The following FAM3C variants were observed in gnomAD, a reference collection of about 807,000 sequenced individuals.
FAM3C encodes the protein protein FAM3C.
Under a neutral mutation model 32.5 loss-of-function variants are expected in FAM3C, and 15 were observed. The ratio of observed to expected loss-of-function variants is 0.46; its 90% confidence interval spans 0.31 to 0.71. The LOEUF (loss-of-function observed/expected upper bound fraction) is 0.71. FAM3C is among the 30% of genes least tolerant of loss of function. FAM3C has a pLI of 0.05. For synonymous variants in FAM3C, 75 were observed against 86.1 expected (o/e 0.87, Z 0.72); for missense variants, 175 against 274.4 (o/e 0.64, Z 2.56).
intron 8 of FAM3C, among the ~76,000 whole-genome samples, chr7:121,357,430 A>G (rs770792934): frequency 8.5e-5 from 13 of 152,200 alleles, no homozygotes; most frequent in Non-Finnish European, 1.8e-4. Context: ...CTATTCATAT[A>G]TAAGAGAGGG....
At position 121,358,326 on chromosome 7, in the gene FAM3C, T is replaced by G. The variant is rs554409161; in HGVS notation, c.467+1717A>C. Among the ~76,000 whole-genome samples the G allele has an allele frequency of 3.9e-5, 6 of 152,206 alleles. No individual in the cohort carries two copies. In the South Asian group the frequency reaches 1.2e-3, roughly 32 times the overall value. On this transcript the variant is annotated intron_variant, in intron 8 of 9. Coordinates refer to ENST00000359943, the MANE Select transcript of FAM3C (RefSeq NM_014888.3). The stretch of plus-strand genomic sequence containing the variant: ...TGTATAAATCTTGTAGTATTAAGGC[T>G]CTGTCAATTAAAATCTATAAAATCT...
intron 3 of FAM3C, among the ~76,000 whole-genome samples, chr7:121,375,299 G>A (rs1178252179): frequency 6.6e-6 from 1 of 152,160 alleles, no homozygotes; most frequent in Non-Finnish European, 1.5e-5. Flanking sequence ...TGAGGAACCA[G>A]GACGAGCAAA....
intron 5 of FAM3C, among the ~76,000 whole-genome samples, chr7:121,366,884 C>T (rs1157017904): frequency 6.6e-6 from 1 of 152,136 alleles, no homozygotes; most frequent in Non-Finnish European, 1.5e-5. Context: ...GAAGTAACTG[C>T]TGTGATTAAC....
At chr7:121,383,391 A>G (rs894249816) in intron 1 of FAM3C, among the ~76,000 whole-genome samples, 8 of 152,122 alleles carry the variant, frequency 5.3e-5, no homozygotes, top group Non-Finnish European at 1.2e-4. Flanking sequence ...CTAGTTGTGG[A>G]ACAAATTATT....
At chr7:121,378,327 T>C (rs1794280306) in intron 3 of FAM3C, among the ~76,000 whole-genome samples, 2 of 151,112 alleles carry the variant, frequency 1.3e-5, no homozygotes, top group Admixed American at 1.3e-4. Context: ...GATTTCTTTC[T>C]TTTTTTTTAA....
intron 5 of FAM3C, among the ~76,000 whole-genome samples, chr7:121,366,451 A>ACCACTTATAT (rs1794025819): frequency 6.6e-6 from 1 of 152,168 alleles, no homozygotes; most frequent in African/African-American, 2.4e-5. Flanking sequence ...AATATTATAT[A>ACCACTTATAT]CCACTTATAT....
chr7:121,357,050 T>C (rs1209075354), intron 8 of FAM3C, among the ~76,000 whole-genome samples: 1 of 152,138 alleles, frequency 6.6e-6, no homozygotes, highest in African/African-American at 2.4e-5. Flanking sequence ...AAATATAAGG[T>C]ACCATCCTCA....
intron 8 of FAM3C, among the ~76,000 whole-genome samples, chr7:121,353,449 A>C (rs901378790): frequency 1.3e-5 from 2 of 152,218 alleles, no homozygotes; most frequent in African/African-American, 4.8e-5. Context: ...GATCCTGTGC[A>C]GATATGCATT....
chr7:121,367,666 A>AT (rs1265878313), intron 5 of FAM3C, among the ~76,000 whole-genome samples: 1 of 152,214 alleles, frequency 6.6e-6, no homozygotes, highest in East Asian at 1.9e-4. Context: ...TAATTGGAAC[A>AT]TAAGTTAGTT....
At chr7:121,394,886 C>T (rs565646039) in intron 1 of FAM3C, among the ~76,000 whole-genome samples, 1 of 152,304 alleles carries the variant, frequency 6.6e-6, no homozygotes, top group African/African-American at 2.4e-5. Flanking sequence ...TAGAGATCTG[C>T]TGGTACTCTG....
At chr7:121,389,147 AG>A (rs997119419) in intron 1 of FAM3C, among the ~76,000 whole-genome samples, 7 of 152,196 alleles carry the variant, frequency 4.6e-5, no homozygotes, top group African/African-American at 1.7e-4. Flanking sequence ...GACTTAGTGT[AG>A]GGAGAGGCAG....
chr7:121,395,789 C>T (rs1794678694), intron 1 of FAM3C, among the ~76,000 whole-genome samples: 1 of 152,036 alleles, frequency 6.6e-6, no homozygotes. Context: ...TCGGAGCTCT[C>T]AGCCTACACG....
At chr7:121,392,244 C>T (rs1794591106) in intron 1 of FAM3C, among the ~76,000 whole-genome samples, 2 of 152,112 alleles carry the variant, frequency 1.3e-5, no homozygotes, top group South Asian at 4.1e-4. Flanking sequence ...TAAAGAAATA[C>T]CCAAGACTGG....
chr7:121,390,067 T>G (rs1794544929), intron 1 of FAM3C, among the ~76,000 whole-genome samples: 1 of 152,156 alleles, frequency 6.6e-6, no homozygotes, highest in African/African-American at 2.4e-5. Flanking sequence ...ATCAAATAAT[T>G]TATATGGTAA....
chr7:121,373,052 A>G (rs1415645693), intron 3 of FAM3C, among the ~76,000 whole-genome samples: 2 of 152,238 alleles, frequency 1.3e-5, no homozygotes, highest in African/African-American at 2.4e-5. Flanking sequence ...TAAAGCCATA[A>G]AGGTAATATA....
chr7:121,370,714 T>G (rs1794128826), intron 5 of FAM3C, among the ~76,000 whole-genome samples: 1 of 152,174 alleles, frequency 6.6e-6, no homozygotes, highest in South Asian at 2.1e-4. Context: ...GGAACTGAGG[T>G]TATCACTGGA....
At position 121,351,734 on chromosome 7, in the gene FAM3C, A is replaced by G. The variant is rs76055876; in HGVS notation, c.468-465T>C. ...CTGTATGTTTCTAACACTATGTTTTATTTAAAAGAAAATGAATTTTGAGAA... is the reference window on the plus strand; with the variant it reads ...CTGTATGTTTCTAACACTATGTTTTGTTTAAAAGAAAATGAATTTTGAGAA... On this transcript the variant is annotated intron_variant, in intron 8 of 9. Transcript: ENST00000359943. Among the ~76,000 whole-genome samples the G allele has an allele frequency of 1.4e-3, 217 of 152,340 alleles. 1 individual carries two copies. The highest frequency in any genetic ancestry group is 4.7e-3 in the African/African-American group (195 of 41,594).
chr7:121,389,819 A>T (rs1417374715), intron 1 of FAM3C, among the ~76,000 whole-genome samples: 1 of 152,112 alleles, frequency 6.6e-6, no homozygotes, highest in Non-Finnish European at 1.5e-5. Flanking sequence ...ATTTCAGTGG[A>T]CTATAATTAC....
intron 1 of FAM3C, among the ~76,000 whole-genome samples, chr7:121,389,139 C>T (rs1794526785): frequency 6.6e-6 from 1 of 152,146 alleles, no homozygotes; most frequent in Non-Finnish European, 1.5e-5. Flanking sequence ...TACCCAAAGA[C>T]TTAGTGTAGG....
Sources: allele counts gnomAD v4.1 joint callset (sites outside exome capture counted in the v4.1 genomes callset), GRCh38; gene constraint gnomAD v4.1.1; transcripts MANE v1.5; gene names NCBI Gene and HGNC (gene_info 2026-07-23, HGNC 2026-07-21).